HIVEP3: variants seen among roughly 807,000 people sequenced by gnomAD.
The protein encoded by HIVEP3 is transcription factor HIVEP3.
Under a neutral mutation model 152.8 loss-of-function variants are expected in HIVEP3, and 49 were observed. That is an observed-to-expected ratio of 0.32 (90% CI 0.26 to 0.41). The LOEUF is 0.41. Ranked by LOEUF, HIVEP3 falls within the 10% of genes least tolerant of loss-of-function variation. HIVEP3 has a pLI of 1.00. For synonymous variants in HIVEP3, 1,269 were observed against 1,289.0 expected (o/e 0.98, Z 0.33); for missense variants, 2,790 against 3,103.3 (o/e 0.90, Z 2.40).
At chr1:41,617,079 CT>C (rs2149137759) in intron 3 of HIVEP3, among the ~76,000 whole-genome samples, 1 of 152,316 alleles carries the variant, frequency 6.6e-6, no homozygotes, top group African/African-American at 2.4e-5. Context: ...ACCGTACTGC[CT>C]TTCCAAACAG....
intron 5 of HIVEP3, among the ~76,000 whole-genome samples, chr1:41,563,756 G>GA (rs531946983): frequency 2.4e-4 from 36 of 151,868 alleles, no homozygotes; most frequent in African/African-American, 8.7e-4. Context: ...AACCACGCAG[G>GA]AAAAAAACCT....
At chr1:41,987,707 C>A (rs1421069602) in intron 1 of HIVEP3, among the ~76,000 whole-genome samples, 3 of 152,126 alleles carry the variant, frequency 2.0e-5, no homozygotes, top group Non-Finnish European at 4.4e-5. Flanking sequence ...TGAAATTAGA[C>A]CCTGTATTAG....
In HIVEP3 at chr1:41,989,443, T is replaced by C. The variant is rs944465107; in HGVS notation, n.119+46364A>G. On this transcript the variant is annotated intron_variant and non_coding_transcript_variant, in intron 1 of 3. Transcript: ENST00000489103. ...ATGGTAAAAAATGTTATGAACAAAA[T>C]AATGTGGGATAGGAAGACTGCACTA... Among the ~76,000 whole-genome samples the C allele has an allele frequency of 7.9e-5, 12 of 152,082 alleles. No homozygotes were observed. The East Asian group carries it at 2.3e-3, about 29-fold the overall frequency.
intron 2 of HIVEP3, among the ~76,000 whole-genome samples, chr1:41,686,530 A>C (rs1398146124): frequency 6.6e-6 from 1 of 152,178 alleles, no homozygotes; most frequent in Non-Finnish European, 1.5e-5. Context: ...GCCGTTGATG[A>C]GTTTACATGC....
intron 1 of HIVEP3, among the ~76,000 whole-genome samples, chr1:41,809,229 A>G (rs1366517893): frequency 1.3e-5 from 2 of 152,224 alleles, no homozygotes; most frequent in Non-Finnish European, 2.9e-5. Flanking sequence ...GGTCTCTTCC[A>G]GCCTCTGGGA....
At position 41,659,615 on chromosome 1, in the gene HIVEP3, C is replaced by T. The variant is rs577122158; in HGVS notation, c.-720-30668G>A. 3.3e-5 allele frequency among the ~76,000 whole-genome samples: 5 copies of T among 152,348 alleles called. No individual in the cohort carries two copies. The South Asian group carries it at 1.0e-3, about 32-fold the overall frequency. ...TATTGACCCTCTCCTCTATGCCAGG[C>T]TCTCTGCTAGATGCTGCGGTCCTTG... On this transcript the variant is annotated intron_variant, in intron 2 of 8. Transcript: ENST00000372583.
At chr1:41,798,389 G>T (rs540405786) in intron 1 of HIVEP3, among the ~76,000 whole-genome samples, 3 of 152,198 alleles carry the variant, frequency 2.0e-5, no homozygotes, top group East Asian at 3.9e-4. Context: ...CATACCTGGA[G>T]GGAATATTAC....
In HIVEP3 at chr1:41,566,622, C is replaced by A. The variant is rs561653846; in HGVS notation, c.5207+8922G>T. Among the ~76,000 whole-genome samples, 141 of 152,324 alleles carry A rather than the reference C, an allele frequency of 9.3e-4. 1 individual carries two copies. Among genetic ancestry groups the A allele is most frequent in the African/African-American group, 3.3e-3 (138 of 41,564 alleles). ...CCTCCACTCCTCATTTTGGCCCATA[C>A]CATCAGGGTTCCATCACTATGGAAA... On this transcript the variant is annotated intron_variant, in intron 5 of 8. Coordinates refer to ENST00000372583, the MANE Select transcript of HIVEP3 (RefSeq NM_024503.5).
chr1:41,694,076 G>T (rs1646236246), intron 2 of HIVEP3, among the ~76,000 whole-genome samples: 1 of 152,028 alleles, frequency 6.6e-6, no homozygotes, highest in African/African-American at 2.4e-5. Flanking sequence ...AACATTTTAT[G>T]AAAAATTTTT....
intron 1 of HIVEP3, among the ~76,000 whole-genome samples, chr1:41,977,643 G>A (rs1024829257): frequency 1.3e-5 from 2 of 152,242 alleles, no homozygotes; most frequent in Non-Finnish European, 2.9e-5. Flanking sequence ...GCAGAGGTCT[G>A]AGGAGTAATA....
chr1:41,597,720 C>T (rs543131514), intron 3 of HIVEP3, among the ~76,000 whole-genome samples: 1 of 152,298 alleles, frequency 6.6e-6, no homozygotes, highest in East Asian at 1.9e-4. Context: ...CTGCAGGTAA[C>T]CAAACACTGT....
chr1:41,870,136 C>G (rs568316048), intron 1 of HIVEP3, among the ~76,000 whole-genome samples: 1 of 152,224 alleles, frequency 6.6e-6, no homozygotes, highest in South Asian at 2.1e-4. Context: ...CCCTATGACT[C>G]CAAGAAGGGA....
chr1:41,705,608 C>G (rs1269951544), intron 1 of HIVEP3, among the ~76,000 whole-genome samples: 1 of 152,190 alleles, frequency 6.6e-6, no homozygotes, highest in African/African-American at 2.4e-5. Flanking sequence ...GTGCTGGAAG[C>G]AAATGTTTTG....
intron 1 of HIVEP3, among the ~76,000 whole-genome samples, chr1:41,926,139 A>G (rs916810740): frequency 1.3e-5 from 2 of 152,098 alleles, no homozygotes; most frequent in Non-Finnish European, 1.5e-5. Context: ...GAGGGAAATA[A>G]TTGTTTAGCT....
At chr1:41,641,109 T>C (rs1317965693) in intron 2 of HIVEP3, among the ~76,000 whole-genome samples, 2 of 152,242 alleles carry the variant, frequency 1.3e-5, no homozygotes, top group South Asian at 2.1e-4. Context: ...CTTATGTTTA[T>C]GATTATTTCA....
At chr1:42,021,679 T>G (rs1021436673) in intron 1 of HIVEP3, among the ~76,000 whole-genome samples, 8 of 152,078 alleles carry the variant, frequency 5.3e-5, no homozygotes, top group African/African-American at 1.9e-4. Context: ...TAAGAATAGA[T>G]AAGAAGTCTA....
intron 5 of HIVEP3, among the ~76,000 whole-genome samples, chr1:41,561,716 C>T (rs959471733): frequency 5.8e-4 from 7 of 12,100 alleles, no homozygotes; most frequent in South Asian, 4.9e-3. Flanking sequence ...GGCTTTACCA[C>T]GTTGCCCAGG....
intron 1 of HIVEP3, among the ~76,000 whole-genome samples, chr1:42,017,946 G>A (rs184861379): frequency 4.4e-4 from 67 of 152,102 alleles, no homozygotes; most frequent in Admixed American, 3.3e-3. Context: ...GGTATTGTCC[G>A]ACTTTTTAAA....
chr1:41,946,250 G>A (rs1297108600), intron 1 of HIVEP3, among the ~76,000 whole-genome samples: 2 of 152,200 alleles, frequency 1.3e-5, no homozygotes, highest in African/African-American at 4.8e-5. Context: ...CCCAGGGGAC[G>A]AAGGTCCTCT....
Sources: allele counts gnomAD v4.1 joint callset (sites outside exome capture counted in the v4.1 genomes callset), GRCh38; gene constraint gnomAD v4.1.1; transcripts MANE v1.5; gene names NCBI Gene and HGNC (gene_info 2026-07-23, HGNC 2026-07-21).